The following PCDHGA3 variants were observed in gnomAD, a reference collection of about 807,000 sequenced individuals.
PCDHGA3 encodes protocadherin gamma subfamily A, 3.
PCDHGA3 carries 40 observed loss-of-function variants against 58.5 expected under a neutral mutation model. That is an observed-to-expected ratio of 0.68 (90% confidence interval 0.53 to 0.89). The LOEUF (loss-of-function observed/expected upper bound fraction) is 0.89. Ranked by LOEUF, PCDHGA3 falls within the 40% of genes least tolerant of loss-of-function variation. The probability of loss-of-function intolerance (pLI) is 0.00; values close to 1 mark genes in which losing one functional copy is unlikely to be tolerated. For synonymous variants in PCDHGA3, 530 were observed against 525.7 expected, an observed-to-expected ratio of 1.01 and a Z score of -0.11; for missense variants, 1,223 against 1,195.9, an observed-to-expected ratio of 1.02 and a Z score of -0.33.
intron 1 of PCDHGA3, among the ~76,000 whole-genome samples, chr5:141,401,889 T>G (rs1259815955): frequency 3.3e-5 from 5 of 152,232 alleles, no homozygotes; most frequent in Non-Finnish European, 7.3e-5. Context: ...TATTTTGTGT[T>G]CTTTTTCCCA....
At chr5:141,414,098 C>A in intron 1 of PCDHGA3, 1 of 1,594,212 alleles carries the variant, frequency 6.3e-7, no homozygotes, top group Non-Finnish European at 8.5e-7. Flanking sequence ...ATAAAAATAT[C>A]AGAAAATCTA....
chr5:141,497,538 AC>A lies in PCDHGA3; in HGVS notation c.2483+2675del, dbSNP rs1247704872. Among the ~76,000 whole-genome samples, 601 of 142,636 alleles carry A rather than the reference AC, an allele frequency of 4.2e-3. 3 individuals are homozygous for A. Among genetic ancestry groups the A allele is most frequent in the African/African-American group, 0.013 (497 of 38,408 alleles). The allele number at this position is 142,636 out of a possible 152,430, so 93.6% of individuals were successfully genotyped here. On this transcript the variant is annotated intron_variant, in intron 2 of 3. Coordinates refer to ENST00000253812, the MANE Select transcript of PCDHGA3 (RefSeq NM_018916.4). ...AGTTAACTTGTGGAGGATGCAACAA[AC>A]CTTTTTTTTTTTTTTTTTTAGACAG...
rs2099413641 is a variant in PCDHGA3, at chr5:141,477,586, T to C, written c.2425-17221T>C. The C allele has an allele frequency of 1.9e-6, 3 of 1,614,022 alleles. No individual in the cohort carries two copies. The highest frequency in any genetic ancestry group is 2.5e-6 in the Non-Finnish European group (3 of 1,180,036). On this transcript the variant is annotated intron_variant, in intron 1 of 3. Transcript: ENST00000253812. This position sits in a 1 kb window ranked among gnomAD's most constrained non-coding sequence, Gnocchi z 4.9. ...GGGACCCCGACGCCCCGCAGAATGC[T>C]CGGCTTTCTTTCTTTCTCTTGGAGC... is the stretch of plus-strand genomic sequence containing the variant.
chr5:141,422,330 C>A, intron 1 of PCDHGA3: 1 of 1,548,166 alleles, frequency 6.5e-7, no homozygotes. Flanking sequence ...ACAGTGATTG[C>A]TCTTCTAAAT....
At position 141,361,241 on chromosome 5, in the gene PCDHGA3, T is replaced by C. The variant is rs774637844; in HGVS notation, c.2424+14784T>C. Reference sequence around the variant, plus strand: ...CCACCAGGAACAGTGATCGCCTTGATAAAAACGAGAGACAGAGACTCTGGA... The same window carrying C: ...CCACCAGGAACAGTGATCGCCTTGACAAAAACGAGAGACAGAGACTCTGGA... On this transcript the variant is annotated intron_variant, in intron 1 of 3. Coordinates refer to ENST00000253812, the MANE Select transcript of PCDHGA3 (RefSeq NM_018916.4). 3.7e-6 allele frequency: 6 copies of C among 1,613,960 alleles called. No homozygotes were observed. In the South Asian group the frequency reaches 6.6e-5, roughly 18 times the overall value.
At chr5:141,427,192 A>T (rs1191677237) in intron 1 of PCDHGA3, 1 of 456,566 alleles carries the variant, frequency 2.2e-6, no homozygotes. Context: ...AAATCCAAAG[A>T]CTTAATAGAC....
chr5:141,429,234 T>C (rs2097199038), intron 1 of PCDHGA3: 1 of 152,114 alleles, frequency 6.6e-6, no homozygotes, highest in African/African-American at 2.4e-5. Context: ...ATGATACTGC[T>C]GTCATTGAGA....
intron 1 of PCDHGA3, chr5:141,357,292 G>T: frequency 6.2e-7 from 1 of 1,613,972 alleles, no homozygotes; most frequent in African/African-American, 1.3e-5. Flanking sequence ...GGTGGCAGTG[G>T]CCGCTGTCTC....
At chr5:141,356,671 CT>C (rs779707398) in intron 1 of PCDHGA3, 2 of 1,614,056 alleles carry the variant, frequency 1.2e-6, no homozygotes, top group Non-Finnish European at 1.7e-6. Context: ...CACTTACTCC[CT>C]GGCCGAAGAC....
rs771088007 is a variant in PCDHGA3, at chr5:141,423,000, G to A, written c.2425-71807G>A. On this transcript the variant is annotated intron_variant, in intron 1 of 3. Transcript: ENST00000253812. ...CGGAACCTGGCTACCTGGTGACCAA[G>A]GTGGTTGCGGTGGACAAAGATTCAG... The A allele has an allele frequency of 9.3e-6, 15 of 1,614,116 alleles. No homozygotes were observed. The African/African-American group carries it at 1.9e-4, about 20-fold the overall frequency.
chr5:141,372,804 CA>C lies in PCDHGA3; in HGVS notation c.2424+26351del. The C allele has an allele frequency of 2.5e-6, 4 of 1,592,244 alleles. No homozygotes were observed. In the Middle Eastern group the frequency reaches 6.7e-4, roughly 266 times the overall value. On this transcript the variant is annotated intron_variant, in intron 1 of 3. Coordinates refer to ENST00000253812, the MANE Select transcript of PCDHGA3 (RefSeq NM_018916.4). ...AATGCCTTCTAATTCAGGCAATTTG[CA>C]AAAGGTGAGTTTCTTCAAACCTTTC...
intron 1 of PCDHGA3, chr5:141,390,350 A>G: frequency 6.4e-7 from 1 of 1,563,816 alleles, no homozygotes; most frequent in South Asian, 1.2e-5. Context: ...AAGAAAATAT[A>G]CATATTTGCA....
At chr5:141,411,417 C>T (rs2095487286) in intron 1 of PCDHGA3, 1 of 148,614 alleles carries the variant, frequency 6.7e-6, no homozygotes, top group Non-Finnish European at 1.5e-5. Context: ...ACTAAAACAA[C>T]AACAACAAAA....
intron 1 of PCDHGA3, among the ~76,000 whole-genome samples, chr5:141,363,259 A>G (rs1181731683): frequency 6.6e-6 from 1 of 152,244 alleles, no homozygotes; most frequent in Non-Finnish European, 1.5e-5. Context: ...AATATTACTT[A>G]AAACTTTGCT....
intron 1 of PCDHGA3, chr5:141,418,120 G>A: frequency 6.2e-7 from 1 of 1,614,084 alleles, no homozygotes; most frequent in Non-Finnish European, 8.5e-7. Context: ...TACTTGTGAA[G>A]GACCGAATAG....
intron 1 of PCDHGA3, chr5:141,360,457 A>T (rs780037606): frequency 1.2e-6 from 2 of 1,613,970 alleles, no homozygotes; most frequent in Non-Finnish European, 1.7e-6. Flanking sequence ...GGATTTCGAT[A>T]CTGTCGCTGA....
chr5:141,366,134 G>A, intron 1 of PCDHGA3: 1 of 1,614,204 alleles, frequency 6.2e-7, no homozygotes, highest in Non-Finnish European at 8.5e-7. Flanking sequence ...AGGCCAGAAC[G>A]CCTGGCTGTC....
Position 141,477,818 on chromosome 5 carries a change from C to T in PCDHGA3, c.2425-16989C>T, listed in dbSNP as rs202009040. 33 of 1,614,040 alleles carry T rather than the reference C, an allele frequency of 2.0e-5. No homozygotes were observed. The highest frequency in any genetic ancestry group is 1.3e-4 in the Admixed American group (8 of 60,006). On this transcript the variant is annotated intron_variant, in intron 1 of 3. Transcript: ENST00000253812. This position sits in a 1 kb window ranked among gnomAD's most constrained non-coding sequence, Gnocchi z 4.9. ...TCGCAATGACAATGCCCCCCAGGTCCTATATCCTCGGCCAGGTGGGAGCTC... is the reference window on the plus strand; with the variant it reads ...TCGCAATGACAATGCCCCCCAGGTCTTATATCCTCGGCCAGGTGGGAGCTC...
intron 1 of PCDHGA3, chr5:141,440,531 C>G (rs931337116): frequency 6.6e-6 from 1 of 152,272 alleles, no homozygotes; most frequent in Middle Eastern, 3.4e-3. Flanking sequence ...GAATCATGCA[C>G]CACGGTTCAG....
Sources: gnomAD v4.1 joint callset for allele counts (sites outside exome capture counted in the v4.1 genomes callset) on GRCh38, gnomAD v4.1.1 for gene constraint, Gnocchi (gnomAD v3.1) non-coding constraint, MANE v1.5 for transcripts, NCBI Gene and HGNC (gene_info 2026-07-23, HGNC 2026-07-21) for gene names.